The following FAM200B variants were observed in gnomAD, a reference collection of about 807,000 sequenced individuals.
FAM200B encodes protein FAM200B.
A neutral mutation model predicts 33.1 loss-of-function variants in FAM200B; 32 were observed. The observed-to-expected ratio is 0.97, with a 90% CI of 0.73 to 1.30. FAM200B has a LOEUF of 1.30. Among genes scored for constraint, FAM200B ranks in the 50% most tolerant of loss-of-function variants. FAM200B has a pLI of 0.00. For synonymous variants in FAM200B, 240 were observed against 264.8 expected, an observed-to-expected ratio of 0.91 and a Z score of 0.91; for missense variants, 741 against 754.0, an observed-to-expected ratio of 0.98 and a Z score of 0.20.
the FAM200B span, among the ~76,000 whole-genome samples, chr4:15,673,929 A>T: frequency 6.6e-6 from 1 of 152,228 alleles, no homozygotes; most frequent in East Asian, 1.9e-4. Flanking sequence ...CTATTGATCA[A>T]GGTTCACTGT....
chr4:15,660,846 G>A, the FAM200B span, among the ~76,000 whole-genome samples: 18 of 152,258 alleles, frequency 1.2e-4, no homozygotes, highest in South Asian at 3.7e-3. Flanking sequence ...GGAGGCCGAG[G>A]TGGGCGGATC....
the FAM200B span, among the ~76,000 whole-genome samples, chr4:15,643,709 T>G: frequency 6.6e-6 from 1 of 152,220 alleles, no homozygotes; most frequent in Admixed American, 6.5e-5. Context: ...ACACTGCACC[T>G]GGCTGGTATT....
chr4:15,664,576 A>G, the FAM200B span, among the ~76,000 whole-genome samples: 3 of 35,134 alleles, frequency 8.5e-5, no homozygotes, highest in South Asian at 8.2e-4. Flanking sequence ...TTTTTTTTTG[A>G]GACGGAGTTT....
the FAM200B span, among the ~76,000 whole-genome samples, chr4:15,663,846 A>T: frequency 6.6e-6 from 1 of 152,198 alleles, no homozygotes. Context: ...CTGTATTCTC[A>T]TCTCATTTTC....
chr4:15,641,784 T>G, the FAM200B span, among the ~76,000 whole-genome samples: 1 of 152,028 alleles, frequency 6.6e-6, no homozygotes, highest in Non-Finnish European at 1.5e-5. Context: ...CCCACCACTT[T>G]GGGACGCAGA....
At chr4:15,655,194 G>A in the FAM200B span, 3 of 1,394,256 alleles carry the variant, frequency 2.2e-6, no homozygotes, top group South Asian at 1.3e-5. Context: ...GAGGCTCAGC[G>A]CTCCGTTACC....
chr4:15,687,361 C>T lies in FAM200B; in HGVS notation c.384C>T (p.Asp128=), dbSNP rs138875390. ...AATATTTTCAAAGAAAGAAAAAAGA[C>T]ATAAAGTTATCAACACAATTTCTTA... ...PLEYFQRKKK[D]IKLSTQFLSC... is the part of the protein sequence containing the mutation. The change falls in exon 2 of 2, where the codon GAC becomes GAT. Residue 128 remains aspartate, a synonymous_variant. Coordinates refer to ENST00000422728, the MANE Select transcript of FAM200B (RefSeq NM_001145191.2). 8.4e-6 allele frequency: 13 copies of T among 1,545,982 alleles called. No individual in the cohort carries two copies. Among genetic ancestry groups the T allele is most frequent in the Non-Finnish European group, 1.1e-5 (13 of 1,144,012 alleles).
the FAM200B span, among the ~76,000 whole-genome samples, chr4:15,672,506 C>T: frequency 6.6e-6 from 1 of 152,164 alleles, no homozygotes; most frequent in African/African-American, 2.4e-5. Flanking sequence ...AGTTACTGTA[C>T]TGAATTTGTC....
chr4:15,651,199 G>A, the FAM200B span, among the ~76,000 whole-genome samples: 2 of 152,042 alleles, frequency 1.3e-5, no homozygotes, highest in Non-Finnish European at 2.9e-5. Context: ...ATTTACAGAT[G>A]GAAAAAATGA....
At chr4:15,673,382 A>G in the FAM200B span, among the ~76,000 whole-genome samples, 1 of 152,142 alleles carries the variant, frequency 6.6e-6, no homozygotes, top group Non-Finnish European at 1.5e-5. Context: ...TCGAGGCTGC[A>G]GTGAGCCAAG....
the FAM200B span, among the ~76,000 whole-genome samples, chr4:15,656,794 T>C: frequency 8.5e-5 from 13 of 152,102 alleles, no homozygotes; most frequent in Non-Finnish European, 1.2e-4. Flanking sequence ...GAAGCACTTA[T>C]AACAGTACCG....
the FAM200B span, among the ~76,000 whole-genome samples, chr4:15,670,634 C>G: frequency 6.6e-6 from 1 of 151,912 alleles, no homozygotes; most frequent in Non-Finnish European, 1.5e-5. Context: ...TGCCCCTGGG[C>G]CCCTCCCCCC....
At chr4:15,639,273 G>A in the FAM200B span, among the ~76,000 whole-genome samples, 4 of 152,198 alleles carry the variant, frequency 2.6e-5, no homozygotes, top group Non-Finnish European at 4.4e-5. Flanking sequence ...TCCCTTTATA[G>A]AATTTGTCAC....
At chr4:15,675,660 C>T in the FAM200B span, among the ~76,000 whole-genome samples, 1 of 145,742 alleles carries the variant, frequency 6.9e-6, no homozygotes, top group Admixed American at 7.3e-5. Context: ...CAGCTCACTG[C>T]AACCTCTGCC....
At chr4:15,638,994 A>G in the FAM200B span, among the ~76,000 whole-genome samples, 105,661 of 151,894 alleles carry the variant, frequency 0.7, 36,967 homozygotes, top group East Asian at 0.81. Context: ...GAAAAACGCC[A>G]TCTCTACTAA....
At chr4:15,668,042 T>TAA in the FAM200B span, among the ~76,000 whole-genome samples, 5 of 132,502 alleles carry the variant, frequency 3.8e-5, no homozygotes, top group Admixed American at 7.6e-5. Flanking sequence ...ACTCTATCTC[T>TAA]AAAAAAAAAA....
the FAM200B span, among the ~76,000 whole-genome samples, chr4:15,667,251 G>A: frequency 6.6e-6 from 1 of 152,148 alleles, no homozygotes; most frequent in Non-Finnish European, 1.5e-5. Context: ...CTTGATGGCA[G>A]TCCATGAGAA....
Position 15,688,737 on chromosome 4 carries a change from T to C in FAM200B, c.1760T>C (p.Val587Ala). The change falls in exon 2 of 2, where the codon GTA (valine) becomes GCA (alanine). Residue 587 changes from valine to alanine, a missense_variant. By Grantham distance (64) the Val-to-Ala change is moderately conservative (BLOSUM62 0). Coordinates refer to ENST00000422728, the MANE Select transcript of FAM200B (RefSeq NM_001145191.2). Reference protein sequence around the residue: ...TLSLSAFWMKVKEDFPLLSRK... With the variant: ...TLSLSAFWMKAKEDFPLLSRK... The stretch of plus-strand genomic sequence containing the variant: ...AGTTTATCAGCATTTTGGATGAAGG[T>C]AAAGGAAGACTTTCCATTGTTAAGT... 1 of 1,550,542 alleles carries C rather than the reference T, an allele frequency of 6.4e-7. No individual in the cohort carries two copies.
At chr4:15,656,223 A>G in the FAM200B span, 1 of 456,184 alleles carries the variant, frequency 2.2e-6, no homozygotes, top group South Asian at 1.5e-5. Flanking sequence ...AAACAAGGTC[A>G]CTAACCCAGG....
Sources: allele counts gnomAD v4.1 joint callset (sites outside exome capture counted in the v4.1 genomes callset), GRCh38; gene constraint gnomAD v4.1.1; transcripts MANE v1.5; gene names NCBI Gene and HGNC (gene_info 2026-07-23, HGNC 2026-07-21).